Variants in ENOX2 observed in about 807,000 individuals in gnomAD.
ENOX2 encodes the protein ecto-NOX disulfide-thiol exchanger 2, also known as APK1 antigen.
In ENOX2, 36 loss-of-function variants were observed where a neutral mutation model predicts 45.0. That is an observed-to-expected ratio of 0.80 (90% CI 0.61 to 1.06). ENOX2 has a LOEUF of 1.06. Ranked by LOEUF, ENOX2 falls within the 50% of genes least tolerant of loss-of-function variation. The probability of loss-of-function intolerance (pLI) is 0.00; values close to 1 mark genes in which losing one functional copy is unlikely to be tolerated. For missense variants in ENOX2, 423 were observed against 462.5 expected (o/e 0.91, Z 0.78); for synonymous variants, 174 against 152.3 (o/e 1.14, Z -1.05).
intron 2 of ENOX2, among the ~76,000 whole-genome samples, chrX:130,789,622 A>G (rs1182243134): frequency 8.9e-6 from 1 of 112,799 alleles, no homozygotes; most frequent in African/African-American, 3.2e-5. Flanking sequence ...GTACTTGGCA[A>G]TAAGAACAGT....
intron 3 of ENOX2, among the ~76,000 whole-genome samples, chrX:130,734,696 C>T (rs1348144182): frequency 2.7e-5 from 3 of 112,130 alleles, no homozygotes; most frequent in Admixed American, 9.4e-5. Flanking sequence ...CAAATGATTG[C>T]ACAGAATATT....
At chrX:130,661,865 G>A (rs1432472128) in intron 9 of ENOX2, among the ~76,000 whole-genome samples, 1 of 112,152 alleles carries the variant, frequency 8.9e-6, no homozygotes, top group Non-Finnish European at 1.9e-5. Context: ...AGCAATCACA[G>A]TATTTCATTT....
chrX:130,708,491 C>T (rs753995020), intron 3 of ENOX2, among the ~76,000 whole-genome samples: 1 of 112,042 alleles, frequency 8.9e-6, no homozygotes, highest in East Asian at 2.8e-4. Flanking sequence ...TGTAACTCAT[C>T]ACACTAAACT....
chrX:130,819,437 C>T (rs1242934084), intron 2 of ENOX2, among the ~76,000 whole-genome samples: 1 of 112,071 alleles, frequency 8.9e-6, no homozygotes, highest in Non-Finnish European at 1.9e-5. Flanking sequence ...ATGTTTATTG[C>T]AGCACTATTG....
At chrX:130,751,445 T>A (rs892959229) in intron 3 of ENOX2, among the ~76,000 whole-genome samples, 60 of 112,452 alleles carry the variant, frequency 5.3e-4, no homozygotes, top group Middle Eastern at 4.6e-3. Context: ...TATTCATTCA[T>A]CCATTGATGG....
At chrX:130,726,718 G>C (rs1331136231) in intron 3 of ENOX2, among the ~76,000 whole-genome samples, 3 of 112,463 alleles carry the variant, frequency 2.7e-5, no homozygotes, top group Non-Finnish European at 5.6e-5. Context: ...CTAATGACTG[G>C]AAGTAGAATG....
chrX:130,703,295 G>A, intron 3 of ENOX2, 41 bp from the exon 4 acceptor site: 4 of 1,142,746 alleles, frequency 3.5e-6, no homozygotes, highest in Non-Finnish European at 4.7e-6. Flanking sequence ...TTGTGTTAAG[G>A]TTCTAGCAAC....
intron 3 of ENOX2, among the ~76,000 whole-genome samples, chrX:130,714,194 A>G (rs5975223): frequency 0.14 from 15,467 of 111,278 alleles, 890 homozygotes; most frequent in East Asian, 0.26. Context: ...AATCTTTCCA[A>G]TATGTTTCAG....
At chrX:130,770,467 CACAA>C (rs746127392) in intron 3 of ENOX2, among the ~76,000 whole-genome samples, 55 of 110,682 alleles carry the variant, frequency 5.0e-4, no homozygotes, top group Non-Finnish European at 9.1e-4. Context: ...AAGAACACAG[CACAA>C]ACAGTGTTAA....
chrX:130,797,523 T>C (rs1390594462), intron 2 of ENOX2, among the ~76,000 whole-genome samples: 1 of 110,515 alleles, frequency 9.0e-6, no homozygotes, highest in African/African-American at 3.3e-5. Context: ...TGGGGAAACT[T>C]ATCCTTTGGA....
chrX:130,740,129 G>C (rs183220221), intron 3 of ENOX2, among the ~76,000 whole-genome samples: 3 of 112,335 alleles, frequency 2.7e-5, no homozygotes, highest in Non-Finnish European at 5.6e-5. Flanking sequence ...GTGGCTGGGC[G>C]TGGTGGCTCA....
intron 2 of ENOX2, among the ~76,000 whole-genome samples, chrX:130,787,525 C>T (rs974684742): frequency 3.7e-4 from 41 of 111,704 alleles, no homozygotes; most frequent in African/African-American, 1.3e-3. Context: ...ATGTACCCTG[C>T]TTTCCTCATT....
intron 2 of ENOX2, among the ~76,000 whole-genome samples, chrX:130,887,864 C>T (rs113438560): frequency 7.1e-5 from 8 of 111,995 alleles, no homozygotes; most frequent in Middle Eastern, 4.6e-3. Flanking sequence ...AGAAAGTCAC[C>T]CCTTTGCTTT....
chrX:130,712,706 G>A (rs2038226217), intron 3 of ENOX2, among the ~76,000 whole-genome samples: 1 of 111,481 alleles, frequency 9.0e-6, no homozygotes, highest in Admixed American at 9.5e-5. Flanking sequence ...AAAACCCTAG[G>A]TCCAAAGTCA....
intron 2 of ENOX2, among the ~76,000 whole-genome samples, chrX:130,805,207 A>G (rs1384770546): frequency 8.9e-6 from 1 of 112,065 alleles, no homozygotes; most frequent in Non-Finnish European, 1.9e-5. Flanking sequence ...CTAAAACACC[A>G]TCACAGTGAT....
At chrX:130,672,460 G>A (rs1385815537) in intron 6 of ENOX2, among the ~76,000 whole-genome samples, 2 of 112,892 alleles carry the variant, frequency 1.8e-5, no homozygotes, top group Non-Finnish European at 3.8e-5. Context: ...GCTTAGCTCA[G>A]TCCATCACTG....
chrX:130,827,308 T>A (rs1217270622), intron 2 of ENOX2, among the ~76,000 whole-genome samples: 1 of 111,853 alleles, frequency 8.9e-6, no homozygotes, highest in Admixed American at 9.5e-5. Flanking sequence ...ACTGCACAAC[T>A]TTGCAGTGAT....
rs191026698 is a variant in ENOX2, at chrX:130,865,068, C to T, written c.-183+36616G>A. Among the ~76,000 whole-genome samples, 700 of 98,874 alleles carry T rather than the reference C, an allele frequency of 7.1e-3. 9 individuals carry two copies. Among genetic ancestry groups the T allele is most frequent in the African/African-American group, 0.025 (652 of 26,390 alleles). The allele number at this position is 98,874 out of a possible 115,157, so 85.9% of individuals were successfully genotyped here. A position where few individuals can be genotyped will look rare whatever the true frequency, so the allele number is the denominator to read the frequency against. ...TTTTTTTTTTTTTTTTTGAAATTAACGAATACACTGGTCTTCTGAAAAAAC... is the reference window on the plus strand; with the variant it reads ...TTTTTTTTTTTTTTTTTGAAATTAATGAATACACTGGTCTTCTGAAAAAAC... On this transcript the variant is annotated intron_variant, in intron 2 of 14. Transcript: ENST00000394363.
intron 3 of ENOX2, among the ~76,000 whole-genome samples, chrX:130,705,691 T>C (rs1381721834): frequency 2.7e-5 from 3 of 111,673 alleles, no homozygotes; most frequent in African/African-American, 9.8e-5. Context: ...TGCTACCTTG[T>C]TTATGAAACT....
Sources: gnomAD v4.1 joint callset for allele counts (sites outside exome capture counted in the v4.1 genomes callset) on GRCh38, gnomAD v4.1.1 for gene constraint, MANE v1.5 for transcripts, NCBI Gene and HGNC (gene_info 2026-07-23, HGNC 2026-07-21) for gene names.